The following GAS2L1 variants were observed in gnomAD, a reference collection of about 807,000 sequenced individuals.
GAS2L1 encodes growth arrest specific 2 like 1.
GAS2L1 carries 26 observed loss-of-function variants against 44.0 expected under a neutral mutation model. The observed-to-expected ratio is 0.59, with a 90% CI of 0.43 to 0.82. The LOEUF is 0.82. GAS2L1 is among the 40% of genes least tolerant of loss of function. GAS2L1 has a pLI of 0.00. For missense variants in GAS2L1, 1,006 were observed against 983.0 expected (o/e 1.02, Z -0.31); for synonymous variants, 426 against 415.9 (o/e 1.02, Z -0.30).
chr22:29,310,906 C>G (rs2061397342), exon 4 of GAS2L1: 1 of 1,613,516 alleles, frequency 6.2e-7, no homozygotes, highest in Admixed American at 1.7e-5. Context: ...GCCCTGCTAG[C>G]CCAGTCCCTG....
intron 4 of GAS2L1, 45 bp downstream of exon 5, chr22:29,311,043 G>A (rs564502100): frequency 2.2e-5 from 34 of 1,564,120 alleles, no homozygotes; most frequent in Non-Finnish European, 2.9e-5. Flanking sequence ...GAGGGTGGGG[G>A]GGCGTCAGCC....
At chr22:29,312,544 T>A (rs983641338) in exon 5 of GAS2L1, 2 of 1,387,744 alleles carry the variant, frequency 1.4e-6, no homozygotes, top group South Asian at 3.1e-5. Context: ...TCCTTTTCCT[T>A]TGTGGCCTTA....
exon 4 of GAS2L1, chr22:29,310,923 A>T (rs746842839): frequency 2.5e-6 from 4 of 1,613,552 alleles, no homozygotes; most frequent in Non-Finnish European, 3.4e-6. Flanking sequence ...CCTGGGAGTG[A>T]GCGCCGGGGC....
chr22:29,311,668 G>A (rs1248973944), exon 5 of GAS2L1: 24 of 1,525,220 alleles, frequency 1.6e-5, no homozygotes, highest in Non-Finnish European at 1.8e-5. Context: ...AGCCAGTCCC[G>A]AGACCGGCTG....
chr22:29,310,724 C>T (rs1355193664), exon 3 of GAS2L1: 15 of 1,609,038 alleles, frequency 9.3e-6, no homozygotes, highest in Admixed American at 1.7e-5. Context: ...CGTGCCGCTG[C>T]TCCTCCACTG....
At chr22:29,308,656 C>A in exon 1 of GAS2L1, 7 of 1,550,866 alleles carry the variant, frequency 4.5e-6, no homozygotes, top group Non-Finnish European at 6.1e-6. Context: ...GGGGAGGACA[C>A]CACTGAAACC....
At chr22:29,312,750 C>A in exon 5 of GAS2L1, 1 of 378,206 alleles carries the variant, frequency 2.6e-6, no homozygotes, top group African/African-American at 2.1e-5. Flanking sequence ...GACCTGTGGC[C>A]CAGCAGAGCC....
In GAS2L1 at chr22:29,308,097, G is replaced by T. The variant is rs542840621; in HGVS notation, c.-9G>T. The T allele has an allele frequency of 3.9e-6, 6 of 1,538,214 alleles. No individual in the cohort carries two copies. The South Asian group carries it at 5.0e-5, about 13-fold the overall frequency. On this transcript the variant is annotated 5_prime_UTR_variant, in exon 1 of 5. Transcript: ENST00000618518. ...TGTTCCTGCCCACAGTGACTCGGCC[G>T]GTCCGGGCATGGCAGACCCAGTGGC... is the stretch of plus-strand genomic sequence containing the variant.
intron 1 of GAS2L1, chr22:29,310,171 G>T (rs2061387016): frequency 1.0e-5 from 2 of 190,906 alleles, no homozygotes; most frequent in Non-Finnish European, 2.1e-5. Flanking sequence ...GAACCTGGAA[G>T]GCGGAGGTTG....
At chr22:29,307,109 G>C (rs1404293677) in exon 1 of GAS2L1, 1 of 151,858 alleles carries the variant, frequency 6.6e-6, no homozygotes, top group Non-Finnish European at 1.5e-5. Context: ...GCCCGGCTCC[G>C]GCCCCCGCTG....
At chr22:29,311,741 T>G in exon 5 of GAS2L1, 2 of 1,533,510 alleles carry the variant, frequency 1.3e-6, no homozygotes, top group Non-Finnish European at 1.7e-6. Context: ...TCCCCAGCCC[T>G]GCCCGGCGGG....
rs757383475 is a variant in GAS2L1, at chr22:29,308,701, G to T, written c.596G>T (p.Arg199Leu). 9 of 1,501,560 alleles carry T rather than the reference G, an allele frequency of 6.0e-6. No homozygotes were observed. The highest frequency in any genetic ancestry group is 7.1e-6 in the Non-Finnish European group (8 of 1,128,464). 93.0% of individuals were successfully genotyped at this position (1,501,560 alleles called of 1,614,324 possible). Residue 199 changes from arginine to leucine, a missense_variant, in exon 1 of 5, where the codon CGC (arginine) becomes CTC (leucine). By Grantham distance (102) the Arg-to-Leu change is moderately radical. Transcript: ENST00000618518. ...CCAGGGACTCCTGCCCGCGGCCCCC[G>T]CATGACACCCAGCGACCTGCGCAAC... is the stretch of plus-strand genomic sequence containing the variant.
chr22:29,311,218 G>A, intron 4 of GAS2L1: 1 of 594,704 alleles, frequency 1.7e-6, no homozygotes, highest in Non-Finnish European at 3.0e-6. Context: ...TCCAGCTCTT[G>A]CTTCCTCTGG....
chr22:29,307,955 A>G (rs2061364864), exon 1 of GAS2L1: 1 of 553,522 alleles, frequency 1.8e-6, no homozygotes, highest in East Asian at 3.3e-5. Context: ...GGGCACCGAC[A>G]TTTCCCAGAG....
chr22:29,311,805 G>T (rs759298530), exon 5 of GAS2L1: 1 of 1,584,820 alleles, frequency 6.3e-7, no homozygotes, highest in Non-Finnish European at 8.5e-7. Flanking sequence ...CAGGGATCGA[G>T]ACGGGCAGCA....
Position 29,310,607 on chromosome 22 carries a change from G to A in GAS2L1, c.742-31G>A, listed in dbSNP as rs1297963458. ...AAGGTGGTGGGCTGCGGGGCGCCCG[G>A]GGCACAGCCGTGACCTGCCCACACC... On this transcript the variant is annotated intron_variant, in intron 2 of 4. Coordinates refer to ENST00000618518, the Ensembl canonical transcript of GAS2L1. 1.9e-6 allele frequency: 3 copies of A among 1,593,838 alleles called. No individual in the cohort carries two copies. In the Admixed American group the frequency reaches 5.0e-5, roughly 27 times the overall value.
exon 1 of GAS2L1, chr22:29,308,266 C>A: frequency 6.2e-7 from 1 of 1,608,698 alleles, no homozygotes; most frequent in Non-Finnish European, 8.5e-7. Flanking sequence ...GGCTTCCTGA[C>A]AGGGCTGGCC....
chr22:29,311,080 C>T lies in GAS2L1; in HGVS notation c.1010+82C>T, dbSNP rs1180530566. 15 of 1,336,084 alleles carry T rather than the reference C, an allele frequency of 1.1e-5. No individual in the cohort carries two copies. In the South Asian group the frequency reaches 1.8e-4, roughly 16 times the overall value. The allele number at this position is 1,336,084 out of a possible 1,614,324, so 82.8% of individuals were successfully genotyped here. A position where few individuals can be genotyped will look rare whatever the true frequency, so the allele number is the denominator to read the frequency against. On this transcript the variant is annotated intron_variant, in intron 4 of 4. Coordinates refer to ENST00000618518, the Ensembl canonical transcript of GAS2L1. ...TGGCCTGCATGATGGGTTGCCTGTGCGCCAGAGTGACTCACACCCTGGGAA... is the reference window on the plus strand; with the variant it reads ...TGGCCTGCATGATGGGTTGCCTGTGTGCCAGAGTGACTCACACCCTGGGAA...
At chr22:29,311,767 G>T (rs1006551806) in exon 5 of GAS2L1, 2 of 1,542,784 alleles carry the variant, frequency 1.3e-6, no homozygotes, top group South Asian at 1.2e-5. Context: ...AGCCAGAGCC[G>T]CGAGGAGCAG....
Sources: gnomAD v4.1 joint callset for allele counts on GRCh38, gnomAD v4.1.1 for gene constraint, MANE v1.5 for transcripts, NCBI Gene and HGNC (gene_info 2026-07-23, HGNC 2026-07-21) for gene names.